The following C1orf87 variants were observed in gnomAD, a reference collection of about 807,000 sequenced individuals.
C1orf87 encodes the protein chromosome 1 open reading frame 87.
Under a neutral mutation model 60.5 loss-of-function variants are expected in C1orf87, and 58 were observed. The observed-to-expected ratio is 0.96, with a 90% CI of 0.78 to 1.19. The LOEUF is 1.19. Among genes scored for constraint, C1orf87 ranks in the 50% most tolerant of loss-of-function variants. The pLI is 0.00. For missense variants in C1orf87, 673 were observed against 638.6 expected, an observed-to-expected ratio of 1.05 and a Z score of -0.58; for synonymous variants, 236 against 227.4, an observed-to-expected ratio of 1.04 and a Z score of -0.34.
intron 7 of C1orf87, among the ~76,000 whole-genome samples, chr1:60,026,022 A>G (rs1645196050): frequency 6.6e-6 from 1 of 152,158 alleles, no homozygotes; most frequent in Admixed American, 6.5e-5. Flanking sequence ...AGATGCTCAG[A>G]TAAATAGTTA....
At chr1:60,028,313 C>T (rs1645213668) in intron 7 of C1orf87, among the ~76,000 whole-genome samples, 1 of 152,144 alleles carries the variant, frequency 6.6e-6, no homozygotes, top group African/African-American at 2.4e-5. Flanking sequence ...AAATGAACAG[C>T]ATATTAGAAA....
intron 8 of C1orf87, among the ~76,000 whole-genome samples, chr1:60,023,033 C>T (rs1394531751): frequency 1.3e-5 from 2 of 152,092 alleles, no homozygotes; most frequent in Non-Finnish European, 2.9e-5. Context: ...ATTTTCAGAT[C>T]ATAGGTAACT....
intron 2 of C1orf87, among the ~76,000 whole-genome samples, chr1:60,056,234 AAAAAAAT>A (rs1213010210): frequency 3.3e-5 from 5 of 152,264 alleles, no homozygotes; most frequent in African/African-American, 1.2e-4. Flanking sequence ...ACACGTCTCT[AAAAAAAT>A]AAAAAATAAA....
At chr1:60,060,590 A>C (rs1309871520) in intron 2 of C1orf87, among the ~76,000 whole-genome samples, 1 of 152,162 alleles carries the variant, frequency 6.6e-6, no homozygotes, top group African/African-American at 2.4e-5. Flanking sequence ...GAACTCAAGA[A>C]AATCTATTTA....
rs374823917 is a variant in C1orf87, at chr1:59,992,224, C to CATTTTATTTATT, written c.1481-1392_1481-1391insAATAAATAAAAT. On this transcript the variant is annotated intron_variant, in intron 11 of 11. Transcript: ENST00000371201. ...AAAAGAGATTGCTTCAAGTAGGGGT[C>CATTTTATTTATT]TATTTATTTATTTATTTATTTATTT... Among the ~76,000 whole-genome samples the CATTTTATTTATT allele has an allele frequency of 8.8e-4, 127 of 143,642 alleles. 1 individual carries two copies. Among genetic ancestry groups the CATTTTATTTATT allele is most frequent in the African/African-American group, 3.1e-3 (122 of 39,100 alleles). 94.2% of individuals were successfully genotyped at this position (143,642 alleles called of 152,430 possible). A position where few individuals can be genotyped will look rare whatever the true frequency, so the allele number is the denominator to read the frequency against.
At chr1:60,037,840 C>T (rs1207915500) in intron 6 of C1orf87, 152 bp downstream of exon 6, 1 of 485,910 alleles carries the variant, frequency 2.1e-6, no homozygotes, top group South Asian at 4.6e-5. Context: ...CATGCTGGTG[C>T]CCTGATCTTA....
intron 8 of C1orf87, 105 bp downstream of exon 8, chr1:60,025,296 A>G: frequency 1.1e-6 from 1 of 877,154 alleles, no homozygotes; most frequent in Non-Finnish European, 1.8e-6. Context: ...TCACCTCCCA[A>G]ACCAGTCTCC....
chr1:59,992,578 C>T (rs921141572), intron 11 of C1orf87, among the ~76,000 whole-genome samples: 1 of 152,012 alleles, frequency 6.6e-6, no homozygotes, highest in African/African-American at 2.4e-5. Context: ...TTCATATGTG[C>T]GAACTGTAAG....
At chr1:60,014,489 G>T (rs1645111403) in intron 8 of C1orf87, among the ~76,000 whole-genome samples, 1 of 151,920 alleles carries the variant, frequency 6.6e-6, no homozygotes, top group Non-Finnish European at 1.5e-5. Flanking sequence ...AGAAATTTTA[G>T]TTGGGGGTTG....
intron 10 of C1orf87, among the ~76,000 whole-genome samples, chr1:60,000,454 G>C (rs1000827029): frequency 3.9e-5 from 6 of 152,088 alleles, no homozygotes; most frequent in African/African-American, 1.4e-4. Flanking sequence ...AACGTGTGAA[G>C]TGCATGAGGA....
intron 4 of C1orf87, 106 bp downstream of exon 4, chr1:60,040,885 G>A (rs902272225): frequency 2.4e-6 from 3 of 1,276,390 alleles, no homozygotes; most frequent in Non-Finnish European, 3.2e-6. Context: ...AAGCCACTAT[G>A]ACCAGCCCTC....
intron 7 of C1orf87, among the ~76,000 whole-genome samples, chr1:60,032,005 T>TAC (rs201766677): frequency 0.024 from 3,389 of 138,378 alleles, 107 homozygotes; most frequent in Admixed American, 0.11. Flanking sequence ...CACACACACA[T>TAC]ACACACACAC....
intron 8 of C1orf87, among the ~76,000 whole-genome samples, chr1:60,012,180 A>AG (rs993487682): frequency 6.6e-5 from 10 of 150,432 alleles, no homozygotes; most frequent in Non-Finnish European, 1.0e-4. Flanking sequence ...GCTTTGATGA[A>AG]AAAAAAAACA....
intron 4 of C1orf87, among the ~76,000 whole-genome samples, chr1:60,040,500 G>T (rs1222959318): frequency 1.3e-5 from 2 of 152,148 alleles, no homozygotes; most frequent in Non-Finnish European, 2.9e-5. Flanking sequence ...ACACATTTTG[G>T]AGACCCATTG....
intron 6 of C1orf87, among the ~76,000 whole-genome samples, chr1:60,035,652 A>G (rs536137925): frequency 6.6e-6 from 1 of 152,366 alleles, no homozygotes; most frequent in East Asian, 1.9e-4. Flanking sequence ...GATGAGCTCA[A>G]AATGATTTCT....
chr1:59,997,677 C>T lies in C1orf87; in HGVS notation c.1412G>A (p.Cys471Tyr). ...CCTGAACCTGTCTATCCACGTCTCA[C>T]ATTCCTCAGCCTTGTTCTTCACAGC... ...NPAVKNKAEE[C>Y]ETWIDRFRKL... is the part of the protein sequence containing the mutation. The change falls in exon 11 of 12, where the codon TGT (cysteine) becomes TAT (tyrosine). Residue 471 changes from cysteine (C) to tyrosine (Y), a missense_variant. Cys to Tyr is a radical substitution (Grantham distance 194). Coordinates refer to ENST00000371201, the MANE Select transcript of C1orf87 (RefSeq NM_152377.3). 6.2e-7 allele frequency: 1 copy of T among 1,613,974 alleles called. No individual in the cohort carries two copies. Among genetic ancestry groups the T allele is most frequent in the Non-Finnish European group, 8.5e-7 (1 of 1,179,912 alleles).
chr1:59,997,631 G>A lies in C1orf87; in HGVS notation c.1458C>T (p.Tyr486=). The A allele has an allele frequency of 1.2e-6, 2 of 1,613,846 alleles. No individual in the cohort carries two copies. The highest frequency in any genetic ancestry group is 1.7e-4 in the Middle Eastern group (1 of 6,058). ...CACCTGTGTTACTCAGATCACACAG[G>A]TAGAGGGCATTTTCCAGCTTCCTGA... ...DRFRKLENAL[Y]LCDLSNTGVL... is the part of the protein sequence containing the mutation. The change falls in exon 11 of 12, where the codon TAC becomes TAT. Residue 486 remains tyrosine, a synonymous_variant. Coordinates refer to ENST00000371201, the MANE Select transcript of C1orf87 (RefSeq NM_152377.3).
rs888394703 is a variant in C1orf87, at chr1:59,994,736, C to T, written c.1480+2873G>A. Among the ~76,000 whole-genome samples, 10 of 152,140 alleles carry T rather than the reference C, an allele frequency of 6.6e-5. No homozygotes were observed. The East Asian group carries it at 1.7e-3, about 26-fold the overall frequency. On this transcript the variant is annotated intron_variant, in intron 11 of 11. Transcript: ENST00000371201. ...CATTAGAGAATAAGCACAGTAGGTT[C>T]CCAGAAGCACTGATGTGATGATGGA...
intron 9 of C1orf87, 67 bp downstream of exon 9, chr1:60,010,325 C>T: frequency 7.3e-7 from 1 of 1,377,904 alleles, no homozygotes; most frequent in Non-Finnish European, 1.0e-6. Flanking sequence ...TCAAACTAGG[C>T]AGCATAGTCA....
Sources: gnomAD v4.1 joint callset for allele counts (sites outside exome capture counted in the v4.1 genomes callset) on GRCh38, gnomAD v4.1.1 for gene constraint, MANE v1.5 for transcripts, NCBI Gene and HGNC (gene_info 2026-07-23, HGNC 2026-07-21) for gene names.